Variants in SYN3 observed in about 807,000 individuals in gnomAD.
The protein encoded by SYN3 is synapsin-3.
In SYN3, 35 loss-of-function variants were observed where a neutral mutation model predicts 65.8. That is an observed-to-expected ratio of 0.53 (90% CI 0.41 to 0.70). The LOEUF (loss-of-function observed/expected upper bound fraction) is 0.70, where lower values mean the gene tolerates loss of function less well. Among genes scored for constraint, SYN3 ranks in the 30% least tolerant of loss-of-function variants. The pLI, the probability that SYN3 is intolerant of heterozygous loss-of-function variation, is 0.00. For synonymous variants in SYN3, 270 were observed against 292.9 expected (o/e 0.92, Z 0.80); for missense variants, 680 against 749.0 (o/e 0.91, Z 1.08).
chr22:32,954,945 T>G (rs1399085304), intron 3 of SYN3, among the ~76,000 whole-genome samples: 2 of 141,974 alleles, frequency 1.4e-5, no homozygotes, highest in Non-Finnish European at 3.2e-5. Flanking sequence ...TCCTTTTCTT[T>G]TTTTTTTTTC....
At chr22:32,520,345 C>T (rs904208206) in intron 12 of SYN3, among the ~76,000 whole-genome samples, 1 of 151,654 alleles carries the variant, frequency 6.6e-6, no homozygotes, top group Non-Finnish European at 1.5e-5. Context: ...CTGTGTTGCC[C>T]AGGCTGGTCT....
intron 4 of SYN3, among the ~76,000 whole-genome samples, chr22:32,927,263 CTT>C (rs5845052): frequency 0.08 from 10,044 of 125,444 alleles, 1,105 homozygotes; most frequent in African/African-American, 0.27. Flanking sequence ...AATATATTTA[CTT>C]TTTTTTTTTT....
intron 2 of SYN3, among the ~76,000 whole-genome samples, chr22:32,983,464 G>C (rs1289125857): frequency 1.3e-5 from 2 of 152,250 alleles, no homozygotes; most frequent in African/African-American, 4.8e-5. Context: ...CCTACTCTTA[G>C]CTGATGCTGG....
At chr22:32,602,749 C>G (rs1276595834) in intron 6 of SYN3, among the ~76,000 whole-genome samples, 1 of 152,178 alleles carries the variant, frequency 6.6e-6, no homozygotes, top group Non-Finnish European at 1.5e-5. Context: ...CGTCAGCTAC[C>G]GCGCCCAGCC....
intron 7 of SYN3, among the ~76,000 whole-genome samples, chr22:32,554,611 G>A (rs1441840140): frequency 1.3e-5 from 2 of 152,064 alleles, no homozygotes; most frequent in Non-Finnish European, 2.9e-5. Context: ...ACTCCGGCTC[G>A]TACCCCTGCT....
chr22:32,965,761 C>A (rs1226287840), intron 3 of SYN3, among the ~76,000 whole-genome samples: 2 of 152,150 alleles, frequency 1.3e-5, no homozygotes, highest in African/African-American at 4.8e-5. Flanking sequence ...GTGGCACGAT[C>A]TCGGCTCACT....
chr22:32,671,551 A>G (rs2060364949), intron 6 of SYN3, among the ~76,000 whole-genome samples: 1 of 142,638 alleles, frequency 7.0e-6, no homozygotes, highest in Non-Finnish European at 1.6e-5. Flanking sequence ...ACGCAGGTGC[A>G]CACACACACA....
intron 6 of SYN3, among the ~76,000 whole-genome samples, chr22:32,621,963 A>C (rs1258360865): frequency 6.6e-6 from 1 of 151,918 alleles, no homozygotes; most frequent in Non-Finnish European, 1.5e-5. Context: ...ATGGTGACAG[A>C]TAGGTATAAC....
chr22:32,579,774 T>C (rs1479985084), intron 7 of SYN3, among the ~76,000 whole-genome samples: 2 of 152,164 alleles, frequency 1.3e-5, no homozygotes, highest in Non-Finnish European at 2.9e-5. Flanking sequence ...CAACAGGGTT[T>C]GATGGACTGT....
At chr22:32,725,777 T>C (rs1005770666) in intron 6 of SYN3, among the ~76,000 whole-genome samples, 1 of 152,238 alleles carries the variant, frequency 6.6e-6, no homozygotes, top group Non-Finnish European at 1.5e-5. Context: ...AGGAAGATCA[T>C]AAATTTGTGT....
intron 7 of SYN3, among the ~76,000 whole-genome samples, chr22:32,568,417 T>G (rs2058702003): frequency 6.6e-6 from 1 of 152,134 alleles, no homozygotes; most frequent in African/African-American, 2.4e-5. Flanking sequence ...GTCAGGGAAA[T>G]GGAAAACAAA....
intron 6 of SYN3, among the ~76,000 whole-genome samples, chr22:32,747,400 A>C (rs1185015112): frequency 1.3e-5 from 2 of 152,102 alleles, no homozygotes; most frequent in Non-Finnish European, 2.9e-5. Flanking sequence ...AGCTTAATGA[A>C]TTGTTCTGTC....
intron 6 of SYN3, among the ~76,000 whole-genome samples, chr22:32,833,630 G>A (rs1298410034): frequency 6.6e-6 from 1 of 152,184 alleles, no homozygotes; most frequent in Non-Finnish European, 1.5e-5. Context: ...ATGTCCTTCT[G>A]GAAGGCAGGT....
chr22:32,581,752 T>G lies in SYN3; in HGVS notation c.774+14922A>C, dbSNP rs181187335. On this transcript the variant is annotated intron_variant, in intron 7 of 13. Transcript: ENST00000358763. ...TTGGAGACCCCAGATAATTGATTCTTTTTTTCTTTTTCTTTTTCTTTTCTT... is the reference window on the plus strand; with the variant it reads ...TTGGAGACCCCAGATAATTGATTCTGTTTTTCTTTTTCTTTTTCTTTTCTT... Among the ~76,000 whole-genome samples, 12 of 146,912 alleles carry G rather than the reference T, an allele frequency of 8.2e-5. No individual in the cohort carries two copies. The East Asian group carries it at 1.7e-3, about 20-fold the overall frequency.
chr22:32,559,588 G>A (rs1291457171), intron 7 of SYN3, among the ~76,000 whole-genome samples: 1 of 152,130 alleles, frequency 6.6e-6, no homozygotes, highest in African/African-American at 2.4e-5. Flanking sequence ...CAGAACTTTG[G>A]GAGGCCGAGA....
chr22:32,615,596 G>A lies in SYN3; in HGVS notation c.712-18860C>T, dbSNP rs150503001. On this transcript the variant is annotated intron_variant, in intron 6 of 13. Coordinates refer to ENST00000358763, the MANE Select transcript of SYN3 (RefSeq NM_003490.4). ...GTGGGAAAAGTCACAAGGTGGGAAC[G>A]CCACTGCTCTCAGTTTAGGGAGTGG... 9.1e-3 allele frequency among the ~76,000 whole-genome samples: 1,392 copies of A among 152,228 alleles called. 28 individuals carry two copies. The highest frequency in any genetic ancestry group is 0.031 in the African/African-American group (1,295 of 41,520).
At chr22:32,792,980 C>T (rs568816033) in intron 6 of SYN3, among the ~76,000 whole-genome samples, 5 of 152,268 alleles carry the variant, frequency 3.3e-5, no homozygotes, top group South Asian at 4.1e-4. Flanking sequence ...TTTGAGCCTC[C>T]GTTTCCTTGA....
chr22:32,510,963 A>G lies in SYN3; in HGVS notation c.*2729T>C, dbSNP rs2057684300. Among the ~76,000 whole-genome samples the G allele has an allele frequency of 6.9e-6, 1 of 144,368 alleles. No homozygotes were observed. 94.7% of individuals were successfully genotyped at this position (144,368 alleles called of 152,430 possible). ...CAGGATTTTAGGATGTGCATTTGTCAATTCCAAGTTATTGTCCAGGCGTGT... is the reference window on the plus strand; with the variant it reads ...CAGGATTTTAGGATGTGCATTTGTCGATTCCAAGTTATTGTCCAGGCGTGT... On this transcript the variant is annotated 3_prime_UTR_variant, in exon 14 of 14. Coordinates refer to ENST00000358763, the MANE Select transcript of SYN3 (RefSeq NM_003490.4).
Position 32,905,095 on chromosome 22 carries a change from G to C in SYN3, c.461+26295C>G, listed in dbSNP as rs745409422. Among the ~76,000 whole-genome samples, 3 of 152,090 alleles carry C rather than the reference G, an allele frequency of 2.0e-5. No homozygotes were observed. In the South Asian group the frequency reaches 6.2e-4, roughly 32 times the overall value. Reference sequence around the variant, plus strand: ...AATTAAGTGAACTAAAGAGTCTCTTGCGAGCTCGAATTTGCTATACTCTCA... The same window carrying C: ...AATTAAGTGAACTAAAGAGTCTCTTCCGAGCTCGAATTTGCTATACTCTCA... On this transcript the variant is annotated intron_variant, in intron 4 of 13. Coordinates refer to ENST00000358763, the MANE Select transcript of SYN3 (RefSeq NM_003490.4).
Sources: gnomAD v4.1 joint callset for allele counts (sites outside exome capture counted in the v4.1 genomes callset) on GRCh38, gnomAD v4.1.1 for gene constraint, MANE v1.5 for transcripts, NCBI Gene and HGNC (gene_info 2026-07-23, HGNC 2026-07-21) for gene names.